The following ELOVL2 variants were observed in gnomAD, a reference collection of about 807,000 sequenced individuals.
ELOVL2 encodes very long chain fatty acid elongase 2.
ELOVL2 carries 38 observed loss-of-function variants against 37.7 expected under a neutral mutation model. The observed-to-expected ratio is 1.01, with a 90% CI of 0.78 to 1.32. The LOEUF (loss-of-function observed/expected upper bound fraction) is 1.32. Among genes scored for constraint, ELOVL2 ranks in the 40% most tolerant of loss-of-function variants. The probability of loss-of-function intolerance (pLI) is 0.00; values close to 1 mark genes in which losing one functional copy is unlikely to be tolerated. For synonymous variants in ELOVL2, 115 were observed against 122.3 expected, an observed-to-expected ratio of 0.94 and a Z score of 0.40; for missense variants, 352 against 363.6, an observed-to-expected ratio of 0.97 and a Z score of 0.26.
At chr6:10,996,888 T>C (rs1782278711) in intron 4 of ELOVL2, among the ~76,000 whole-genome samples, 4 of 151,922 alleles carry the variant, frequency 2.6e-5, no homozygotes, top group Admixed American at 2.6e-4. Context: ...CGGGTGCCTG[T>C]AATCCTAGCT....
intron 5 of ELOVL2, among the ~76,000 whole-genome samples, chr6:10,994,012 CAAAA>C (rs767420973): frequency 2.8e-5 from 3 of 106,126 alleles, no homozygotes; most frequent in African/African-American, 3.2e-5. Context: ...CCAGCCCTAC[CAAAA>C]AAAAAAAAAA....
At position 10,983,920 on chromosome 6, in the gene ELOVL2, A is replaced by G. The variant is rs1222565549; in HGVS notation, c.766-14T>C. ...TTTTCGGTATGTCTGTTGGATGTGT[A>G]TATTTTGAAGAGAAAAATAAAAAGG... is the stretch of plus-strand genomic sequence containing the variant. On this transcript the variant is annotated splice_polypyrimidine_tract_variant and intron_variant, in intron 7 of 7. Coordinates refer to ENST00000354666, the MANE Select transcript of ELOVL2 (RefSeq NM_017770.4). 1.3e-6 allele frequency: 2 copies of G among 1,598,918 alleles called. No individual in the cohort carries two copies. Among genetic ancestry groups the G allele is most frequent in the African/African-American group, 1.4e-5 (1 of 73,828 alleles).
chr6:10,990,800 G>T lies in ELOVL2; in HGVS notation c.506-358C>A, dbSNP rs182043327. On this transcript the variant is annotated intron_variant, in intron 5 of 7. Transcript: ENST00000354666. The stretch of plus-strand genomic sequence containing the variant: ...CTGTTGGCAGAATTCCTCTGAAATA[G>T]AATTGTCTTTGCTTTTTAGCTAAAC... Among the ~76,000 whole-genome samples the T allele has an allele frequency of 2.8e-3, 432 of 152,292 alleles. 1 individual carries two copies. Among genetic ancestry groups the T allele is most frequent in the Non-Finnish European group, 4.6e-3 (316 of 68,018 alleles).
Position 11,000,110 on chromosome 6 carries a change from TG to T in ELOVL2, c.309del (p.Ser104AlafsTer9). On this transcript the variant is annotated frameshift_variant, in exon 4 of 8. Coordinates refer to ENST00000354666, the MANE Select transcript of ELOVL2 (RefSeq NM_017770.4). LOFTEE classifies it high-confidence loss of function. ...GGYNLQCQDLTSAGEADIRVA... is the reference protein window; with the variant it reads ...GGYNLQCQDLXSAGEADIRVA... The stretch of plus-strand genomic sequence containing the variant: ...ACCCGGATGTCAGCTTCCCCTGCGC[TG>T]GTAAGATCTTGACACTGTAAGTTGT... The T allele has an allele frequency of 6.2e-7, 1 of 1,614,168 alleles. No individual in the cohort carries two copies. Among genetic ancestry groups the T allele is most frequent in the Non-Finnish European group, 8.5e-7 (1 of 1,180,012 alleles).
intron 4 of ELOVL2, 38 bp downstream of exon 4, chr6:11,000,049 A>G: frequency 3.1e-6 from 5 of 1,587,400 alleles, no homozygotes; most frequent in Non-Finnish European, 4.3e-6. Flanking sequence ...GTCAATGGGA[A>G]CTGGTTATAG....
chr6:11,034,894 T>G (rs1782984267), intron 1 of ELOVL2, among the ~76,000 whole-genome samples: 1 of 151,800 alleles, frequency 6.6e-6, no homozygotes, highest in Non-Finnish European at 1.5e-5. Context: ...TCCCAGCTAC[T>G]CTGGAGGCTG....
At chr6:10,984,411 C>T (rs1251082888) in intron 7 of ELOVL2, among the ~76,000 whole-genome samples, 1 of 151,546 alleles carries the variant, frequency 6.6e-6, no homozygotes, top group Non-Finnish European at 1.5e-5. Context: ...GCACAATGTG[C>T]AGGTTAGTTA....
intron 4 of ELOVL2, 63 bp from the exon 5 acceptor site, chr6:10,995,241 C>T: frequency 7.9e-7 from 1 of 1,265,040 alleles, no homozygotes; most frequent in Non-Finnish European, 1.1e-6. Context: ...TGCTGCCCCA[C>T]TGCTCGGCCT....
At chr6:11,032,593 A>G (rs1313674852) in intron 1 of ELOVL2, among the ~76,000 whole-genome samples, 1 of 152,222 alleles carries the variant, frequency 6.6e-6, no homozygotes, top group Non-Finnish European at 1.5e-5. Flanking sequence ...ATCACTTACT[A>G]GTTTATGACT....
intron 1 of ELOVL2, among the ~76,000 whole-genome samples, chr6:11,041,260 G>A (rs1394884638): frequency 6.6e-6 from 1 of 151,964 alleles, no homozygotes; most frequent in Non-Finnish European, 1.5e-5. Flanking sequence ...TGAATAGCAG[G>A]GCCCTGTTTT....
At chr6:11,015,667 T>C (rs1782672476) in intron 1 of ELOVL2, 1 of 152,202 alleles carries the variant, frequency 6.6e-6, no homozygotes, top group Non-Finnish European at 1.5e-5. Flanking sequence ...CTTCTTGGCA[T>C]GGAATGTGCA....
At position 11,033,792 on chromosome 6, in the gene ELOVL2, T is replaced by C. The variant is rs1037179434; in HGVS notation, c.3+10436A>G. Among the ~76,000 whole-genome samples, 4 of 152,314 alleles carry C rather than the reference T, an allele frequency of 2.6e-5. No individual in the cohort carries two copies. The South Asian group carries it at 8.3e-4, about 32-fold the overall frequency. ...GAAGAAAAATCCTTAATGTCGAAAC[T>C]AAAATCCATCATGACAGGAATATGA... On this transcript the variant is annotated intron_variant, in intron 1 of 7. Transcript: ENST00000354666.
intron 1 of ELOVL2, among the ~76,000 whole-genome samples, chr6:11,011,637 A>G (rs1782585449): frequency 6.6e-6 from 1 of 152,120 alleles, no homozygotes; most frequent in African/African-American, 2.4e-5. Context: ...TATTTTTTCT[A>G]TTTATGTTTT....
chr6:11,036,869 C>T (rs1048443097), intron 1 of ELOVL2, among the ~76,000 whole-genome samples: 1 of 151,704 alleles, frequency 6.6e-6, no homozygotes, highest in African/African-American at 2.4e-5. Context: ...TTACTTTTGC[C>T]TTATGGACAT....
intron 1 of ELOVL2, among the ~76,000 whole-genome samples, chr6:11,038,812 A>G (rs908428264): frequency 2.0e-5 from 3 of 152,244 alleles, no homozygotes; most frequent in Admixed American, 6.5e-5. Context: ...TGTATTACTG[A>G]AACATGCTCA....
chr6:11,005,099 C>T (rs1236335730), intron 3 of ELOVL2, among the ~76,000 whole-genome samples: 3 of 151,810 alleles, frequency 2.0e-5, no homozygotes, highest in Non-Finnish European at 4.4e-5. Flanking sequence ...GCGGAGGCTG[C>T]AGTGAGCTGA....
chr6:10,989,913 A>C, intron 6 of ELOVL2, 76 bp from the exon 7 acceptor site: 1 of 1,554,288 alleles, frequency 6.4e-7, no homozygotes, highest in Non-Finnish European at 8.8e-7. Context: ...AGCTTGATCA[A>C]TTCAGAAATC....
intron 1 of ELOVL2, among the ~76,000 whole-genome samples, chr6:11,042,967 G>A (rs1456600626): frequency 6.6e-6 from 1 of 152,166 alleles, no homozygotes; most frequent in Non-Finnish European, 1.5e-5. Flanking sequence ...TCTGGTAGAG[G>A]AGACGTTCAA....
chr6:11,023,727 G>A lies in ELOVL2; in HGVS notation c.4-12918C>T, dbSNP rs1782801321. Reference sequence around the variant, plus strand: ...GGCAGGACATTACCATCAAAGTGACGGTGAGCTGCCCTTGACTGCATCCTC... The same window carrying A: ...GGCAGGACATTACCATCAAAGTGACAGTGAGCTGCCCTTGACTGCATCCTC... On this transcript the variant is annotated intron_variant, in intron 1 of 7. Coordinates refer to ENST00000354666, the MANE Select transcript of ELOVL2 (RefSeq NM_017770.4). Among the ~76,000 whole-genome samples, 3 of 152,266 alleles carry A rather than the reference G, an allele frequency of 2.0e-5. No individual in the cohort carries two copies. The South Asian group carries it at 6.2e-4, about 32-fold the overall frequency.
Sources: allele counts gnomAD v4.1 joint callset (sites outside exome capture counted in the v4.1 genomes callset), GRCh38; gene constraint gnomAD v4.1.1; transcripts MANE v1.5; gene names NCBI Gene and HGNC (gene_info 2026-07-23, HGNC 2026-07-21).